SNCAIP: variants seen among roughly 807,000 people sequenced by gnomAD.
SNCAIP encodes the protein synuclein alpha interacting protein.
In SNCAIP, 43 loss-of-function variants were observed where a neutral mutation model predicts 86.7. The observed-to-expected ratio is 0.50, with a 90% CI of 0.39 to 0.64. The LOEUF (loss-of-function observed/expected upper bound fraction) is 0.64, where lower values mean the gene tolerates loss of function less well. Among genes scored for constraint, SNCAIP ranks in the 30% least tolerant of loss-of-function variants. The pLI, the probability that SNCAIP is intolerant of heterozygous loss-of-function variation, is 0.00. For synonymous variants in SNCAIP, 417 were observed against 427.2 expected (o/e 0.98, Z 0.29); for missense variants, 981 against 1,103.1 (o/e 0.89, Z 1.57).
Position 122,450,917 on chromosome 5 carries a change from T to C in SNCAIP, c.2070T>C (p.Thr690=), listed in dbSNP as rs1783572423. 4 of 1,614,084 alleles carry C rather than the reference T, an allele frequency of 2.5e-6. No individual in the cohort carries two copies. The highest frequency in any genetic ancestry group is 3.4e-6 in the Non-Finnish European group (4 of 1,179,992). ...TDSNNSEDPK[T]TPVRKADRPR... ...CCAACAACTCTGAGGACCCCAAGAC[T>C]ACCCCAGTGAGGAAGGCTGACCGAC... The change falls in exon 10 of 11, where the codon ACT becomes ACC. Residue 690 remains threonine, a synonymous_variant. Coordinates refer to ENST00000261368, the MANE Select transcript of SNCAIP (RefSeq NM_005460.4).
chr5:122,382,237 A>T (rs1231231844), intron 1 of SNCAIP, among the ~76,000 whole-genome samples: 1 of 151,836 alleles, frequency 6.6e-6, no homozygotes, highest in Non-Finnish European at 1.5e-5. Context: ...GGCTTTGCTC[A>T]TTTCTTTTTA....
intron 1 of SNCAIP, among the ~76,000 whole-genome samples, chr5:122,375,969 T>G (rs1486918052): frequency 6.6e-6 from 1 of 152,054 alleles, no homozygotes; most frequent in African/African-American, 2.4e-5. Context: ...TTAGCTTAGC[T>G]TAGGTAGTGG....
At chr5:122,405,842 C>G (rs903674195) in intron 3 of SNCAIP, among the ~76,000 whole-genome samples, 1 of 152,128 alleles carries the variant, frequency 6.6e-6, no homozygotes, top group African/African-American at 2.4e-5. Flanking sequence ...CTTACAATTT[C>G]TAGTCATCTC....
intron 2 of SNCAIP, among the ~76,000 whole-genome samples, chr5:122,392,690 G>A (rs1769669657): frequency 6.6e-6 from 1 of 152,150 alleles, no homozygotes; most frequent in South Asian, 2.1e-4. Flanking sequence ...TTCCTACCTT[G>A]TTCTGACTCT....
chr5:122,410,062 TTAAC>T (rs1773803748), intron 3 of SNCAIP, among the ~76,000 whole-genome samples: 1 of 152,330 alleles, frequency 6.6e-6, no homozygotes, highest in Admixed American at 6.5e-5. Context: ...AAATGTTTCT[TTAAC>T]TAGAGTAAAA....
intron 1 of SNCAIP, 64 bp from the exon 2 acceptor site, chr5:122,391,025 A>G (rs1029995759): frequency 8.5e-6 from 7 of 826,668 alleles, no homozygotes; most frequent in East Asian, 2.5e-5. Context: ...AAATGTAGAC[A>G]TTATTTTTGG....
At chr5:122,453,858 C>T (rs1392617421) in intron 10 of SNCAIP, among the ~76,000 whole-genome samples, 1 of 150,654 alleles carries the variant, frequency 6.6e-6, no homozygotes, top group Non-Finnish European at 1.5e-5. Flanking sequence ...CTCCCGGGTT[C>T]AAGTGATACT....
At chr5:122,331,996 A>G (rs1273814985) in intron 1 of SNCAIP, among the ~76,000 whole-genome samples, 1 of 152,246 alleles carries the variant, frequency 6.6e-6, no homozygotes, top group Non-Finnish European at 1.5e-5. Flanking sequence ...TTAATAAACA[A>G]TCCTAAATAG....
intron 6 of SNCAIP, among the ~76,000 whole-genome samples, chr5:122,434,104 C>A (rs188811288): frequency 9.9e-5 from 15 of 152,134 alleles, no homozygotes; most frequent in Admixed American, 1.3e-4. Flanking sequence ...TTCAAATGAT[C>A]GGAAGAATTT....
chr5:122,343,314 G>A (rs746469327), intron 1 of SNCAIP, among the ~76,000 whole-genome samples: 1 of 152,012 alleles, frequency 6.6e-6, no homozygotes, highest in South Asian at 2.1e-4. Context: ...CCTAATAGTC[G>A]TTACTGCCTG....
chr5:122,398,096 CAG>C (rs1771003210), intron 2 of SNCAIP, among the ~76,000 whole-genome samples: 1 of 152,086 alleles, frequency 6.6e-6, no homozygotes, highest in Non-Finnish European at 1.5e-5. Context: ...AATAGAAACA[CAG>C]AGACAATTCT....
At chr5:122,433,112 AGTGTGTGTGT>A (rs34711914) in intron 6 of SNCAIP, among the ~76,000 whole-genome samples, 1,848 of 147,780 alleles carry the variant, frequency 0.013, 27 homozygotes, top group African/African-American at 0.036. Flanking sequence ...AACTTCTAGT[AGTGTGTGTGT>A]GTGTGTGTGT....
intron 8 of SNCAIP, among the ~76,000 whole-genome samples, chr5:122,448,632 ATTATATG>A (rs1425305397): frequency 7.2e-6 from 1 of 138,232 alleles, no homozygotes; most frequent in East Asian, 2.0e-4. Flanking sequence ...TATAATATAT[ATTATATG>A]TTATATATAT....
At chr5:122,370,708 G>GA (rs1204389454) in intron 1 of SNCAIP, among the ~76,000 whole-genome samples, 2 of 152,008 alleles carry the variant, frequency 1.3e-5, no homozygotes, top group African/African-American at 4.8e-5. Flanking sequence ...AACCCTGAAG[G>GA]AAAAAATGGC....
Position 122,463,643 on chromosome 5 carries a change from T to C in SNCAIP, c.*147T>C. 1.3e-6 allele frequency: 1 copy of C among 781,700 alleles called. No individual in the cohort carries two copies. Among genetic ancestry groups the C allele is most frequent in the East Asian group, 2.6e-5 (1 of 38,222 alleles). 48.4% of individuals were successfully genotyped at this position (781,700 alleles called of 1,614,324 possible). A position where few individuals can be genotyped will look rare whatever the true frequency, so the allele number is the denominator to read the frequency against. On this transcript the variant is annotated 3_prime_UTR_variant, in exon 11 of 11. Transcript: ENST00000261368. ...ATTGGAAATTTCTGGACTATCCTCT[T>C]TGGAAAGAGAACCATGAAAACAATG...
At chr5:122,366,161 A>T (rs1293575400) in intron 1 of SNCAIP, among the ~76,000 whole-genome samples, 1 of 152,172 alleles carries the variant, frequency 6.6e-6, no homozygotes, top group Admixed American at 6.5e-5. Flanking sequence ...ACTAAGCAAG[A>T]TAAGGCAATC....
intron 8 of SNCAIP, among the ~76,000 whole-genome samples, chr5:122,449,094 T>C: frequency 6.6e-6 from 1 of 151,866 alleles, no homozygotes; most frequent in Admixed American, 6.6e-5. Flanking sequence ...AAATTGAAAA[T>C]ATCATAAGGT....
chr5:122,314,765 T>C (rs543563479), intron 1 of SNCAIP, among the ~76,000 whole-genome samples: 1 of 152,354 alleles, frequency 6.6e-6, no homozygotes, highest in South Asian at 2.1e-4. Flanking sequence ...TTGAAATTAA[T>C]GATCAAAATA....
intron 4 of SNCAIP, among the ~76,000 whole-genome samples, chr5:122,425,119 A>C (rs1157025103): frequency 6.6e-6 from 1 of 152,190 alleles, no homozygotes; most frequent in Non-Finnish European, 1.5e-5. Flanking sequence ...TCCACACCTC[A>C]TTGGCCCTAG....
Sources: allele counts gnomAD v4.1 joint callset (sites outside exome capture counted in the v4.1 genomes callset), GRCh38; gene constraint gnomAD v4.1.1; transcripts MANE v1.5; gene names NCBI Gene and HGNC (gene_info 2026-07-23, HGNC 2026-07-21).